The following MTMR7 variants were observed in gnomAD, a reference collection of about 807,000 sequenced individuals.
The protein encoded by MTMR7 is phosphatidylinositol-3-phosphate phosphatase MTMR7.
In MTMR7, 76 loss-of-function variants were observed where a neutral mutation model predicts 81.2. The ratio of observed to expected loss-of-function variants is 0.94; its 90% CI spans 0.78 to 1.13. MTMR7 has a LOEUF of 1.13. MTMR7 is among the 50% of genes most tolerant of loss of function. The probability of loss-of-function intolerance (pLI) is 0.00; values close to 1 mark genes in which losing one functional copy is unlikely to be tolerated. For missense variants in MTMR7, 1,044 were observed against 820.0 expected, an observed-to-expected ratio of 1.27 and a Z score of -3.34; for synonymous variants, 372 against 289.8, an observed-to-expected ratio of 1.28 and a Z score of -2.88.
At chr8:17,378,211 T>C (rs930929272) in intron 1 of MTMR7, among the ~76,000 whole-genome samples, 3 of 152,108 alleles carry the variant, frequency 2.0e-5, no homozygotes, top group Admixed American at 1.3e-4. Context: ...AAAAGTAATT[T>C]TGAAGATACA....
rs1221149850 is a variant in MTMR7, at chr8:17,367,871, T to G, written c.310+3166A>C. 2.6e-5 allele frequency among the ~76,000 whole-genome samples: 4 copies of G among 151,768 alleles called. No homozygotes were observed. In the East Asian group the frequency reaches 7.7e-4, roughly 29 times the overall value. On this transcript the variant is annotated intron_variant, in intron 3 of 13. Coordinates refer to ENST00000180173, the MANE Select transcript of MTMR7 (RefSeq NM_004686.5). Reference sequence around the variant, plus strand: ...TCTGCTGATGCTAAGGTTTGGGGTTTTTTTTTTTTTTTTCTATTTTTAAAG... The same window carrying G: ...TCTGCTGATGCTAAGGTTTGGGGTTGTTTTTTTTTTTTTCTATTTTTAAAG...
intron 7 of MTMR7, among the ~76,000 whole-genome samples, chr8:17,321,721 T>C (rs1199894488): frequency 6.6e-6 from 1 of 152,212 alleles, no homozygotes; most frequent in African/African-American, 2.4e-5. Context: ...ACAAAGTTCA[T>C]TTCAGCTGAC....
intron 1 of MTMR7, among the ~76,000 whole-genome samples, chr8:17,389,055 T>C (rs1163641645): frequency 6.6e-5 from 10 of 152,152 alleles, no homozygotes; most frequent in Non-Finnish European, 1.2e-4. Flanking sequence ...AGCTGCATGA[T>C]TGCCTGCCAC....
intron 6 of MTMR7, among the ~76,000 whole-genome samples, chr8:17,340,867 G>T (rs1819387607): frequency 6.6e-6 from 1 of 152,016 alleles, no homozygotes; most frequent in Admixed American, 6.6e-5. Flanking sequence ...TACACACCTA[G>T]AACTTTTTAT....
intron 3 of MTMR7, among the ~76,000 whole-genome samples, chr8:17,367,964 T>C (rs1820283737): frequency 1.3e-5 from 2 of 151,864 alleles, no homozygotes; most frequent in Admixed American, 1.3e-4. Context: ...TTGACTTAAA[T>C]GAATTCCCAA....
At position 17,348,696 on chromosome 8, in the gene MTMR7, T is replaced by C. The variant is rs542039478; in HGVS notation, c.597+257A>G. Among the ~76,000 whole-genome samples the C allele has an allele frequency of 2.6e-5, 4 of 152,270 alleles. No homozygotes were observed. The East Asian group carries it at 7.7e-4, about 29-fold the overall frequency. On this transcript the variant is annotated intron_variant, in intron 5 of 13. Coordinates refer to ENST00000180173, the MANE Select transcript of MTMR7 (RefSeq NM_004686.5). The stretch of plus-strand genomic sequence containing the variant: ...CCACTTAGGACAGTATTCACTTGCA[T>C]GATTAGCTTTAGGGGTTTTCTGAAT...
chr8:17,315,525 C>T (rs1009204970), intron 7 of MTMR7, among the ~76,000 whole-genome samples: 1 of 152,096 alleles, frequency 6.6e-6, no homozygotes, highest in Non-Finnish European at 1.5e-5. Flanking sequence ...ACCACTCCGT[C>T]GGGGATGTGA....
intron 1 of MTMR7, among the ~76,000 whole-genome samples, chr8:17,401,695 G>C (rs1821433748): frequency 6.6e-6 from 1 of 152,078 alleles, no homozygotes; most frequent in Non-Finnish European, 1.5e-5. Context: ...AGATATGGAA[G>C]GAGAGAAAAA....
chr8:17,370,163 C>G (rs1820371740), intron 3 of MTMR7, among the ~76,000 whole-genome samples: 1 of 151,252 alleles, frequency 6.6e-6, no homozygotes, highest in Non-Finnish European at 1.5e-5. Context: ...TCAGCAGATC[C>G]ATACCCTGAA....
chr8:17,354,872 TC>T, intron 4 of MTMR7, among the ~76,000 whole-genome samples: 1 of 152,298 alleles, frequency 6.6e-6, no homozygotes, highest in African/African-American at 2.4e-5. Context: ...TACATCATCT[TC>T]CTCCCATTTC....
chr8:17,389,103 A>T (rs1230934910), intron 1 of MTMR7, among the ~76,000 whole-genome samples: 1 of 152,096 alleles, frequency 6.6e-6, no homozygotes, highest in East Asian at 1.9e-4. Flanking sequence ...TAAGAAAAGG[A>T]CACTGCCACT....
chr8:17,376,159 A>C (rs1275564010), intron 1 of MTMR7, among the ~76,000 whole-genome samples: 2 of 152,206 alleles, frequency 1.3e-5, no homozygotes, highest in Non-Finnish European at 2.9e-5. Flanking sequence ...CATTTTGTAT[A>C]AACAGAATCA....
At chr8:17,385,672 G>A (rs549462490) in intron 1 of MTMR7, among the ~76,000 whole-genome samples, 1 of 152,266 alleles carries the variant, frequency 6.6e-6, no homozygotes, top group African/African-American at 2.4e-5. Flanking sequence ...CCTCACGATG[G>A]TGAGTTCATT....
At chr8:17,315,399 G>A (rs930633320) in intron 7 of MTMR7, among the ~76,000 whole-genome samples, 1 of 92,814 alleles carries the variant, frequency 1.1e-5, no homozygotes, top group African/African-American at 5.0e-5. Context: ...TACGACAGTG[G>A]TTACATTTAT....
At chr8:17,333,260 G>A (rs548627539) in intron 6 of MTMR7, among the ~76,000 whole-genome samples, 1 of 152,250 alleles carries the variant, frequency 6.6e-6, no homozygotes, top group Non-Finnish European at 1.5e-5. Context: ...TTAAAATAAT[G>A]CATTTTAAGA....
rs141635955 is a variant in MTMR7, at chr8:17,404,978, G to A, written c.24+8291C>T. On this transcript the variant is annotated intron_variant, in intron 1 of 13. Coordinates refer to ENST00000180173, the MANE Select transcript of MTMR7 (RefSeq NM_004686.5). ...GTAGCTAGGATTACAAGCACTGGCC[G>A]CTATGACTGGCTAATTTTTGTATTT... Among the ~76,000 whole-genome samples, 405 of 152,180 alleles carry A rather than the reference G, an allele frequency of 2.7e-3. 1 individual carries two copies. Among genetic ancestry groups the A allele is most frequent in the African/African-American group, 9.1e-3 (380 of 41,554 alleles).
chr8:17,375,325 A>C (rs530337861), intron 1 of MTMR7, among the ~76,000 whole-genome samples: 1 of 152,210 alleles, frequency 6.6e-6, no homozygotes, highest in East Asian at 1.9e-4. Context: ...CCCAGTTTTC[A>C]GAGATCTACT....
intron 3 of MTMR7, among the ~76,000 whole-genome samples, chr8:17,364,806 T>C (rs138615894): frequency 0.012 from 1,807 of 152,338 alleles, 22 homozygotes; most frequent in Non-Finnish European, 0.019. Flanking sequence ...TTTCTTTATC[T>C]CTTCATCCAA....
chr8:17,304,746 C>CGTGTGTGTGT (rs10527892), intron 11 of MTMR7, among the ~76,000 whole-genome samples: 15 of 147,082 alleles, frequency 1.0e-4, no homozygotes, highest in East Asian at 4.0e-4. Context: ...GTGTTCGATT[C>CGTGTGTGTGT]GTGTGTGTGT....
Sources: allele counts gnomAD v4.1 joint callset (sites outside exome capture counted in the v4.1 genomes callset), GRCh38; gene constraint gnomAD v4.1.1; transcripts MANE v1.5; gene names NCBI Gene and HGNC (gene_info 2026-07-23, HGNC 2026-07-21).